ZNF678: variants seen among roughly 807,000 people sequenced by gnomAD.
ZNF678 encodes zinc finger protein 678.
ZNF678 carries 5 observed loss-of-function variants against 3.0 expected under a neutral mutation model. The ratio of observed to expected loss-of-function variants is 1.69; its 90% CI spans 0.88 to 3.56. The LOEUF is 3.56. Among genes scored for constraint, ZNF678 ranks in the 30% most tolerant of loss-of-function variants. ZNF678 has a pLI of 0.00. For synonymous variants in ZNF678, 218 were observed against 199.6 expected, an observed-to-expected ratio of 1.09 and a Z score of -0.78; for missense variants, 593 against 605.0, an observed-to-expected ratio of 0.98 and a Z score of 0.21.
intron 5 of ZNF678, among the ~76,000 whole-genome samples, chr1:227,674,824 C>T (rs1659655163): frequency 6.6e-6 from 1 of 151,986 alleles, no homozygotes; most frequent in Non-Finnish European, 1.5e-5. Flanking sequence ...GCTGGTCCCT[C>T]AGGTGATCCA....
At chr1:227,617,118 A>G (rs1658161245) in intron 1 of ZNF678, among the ~76,000 whole-genome samples, 1 of 152,212 alleles carries the variant, frequency 6.6e-6, no homozygotes, top group Non-Finnish European at 1.5e-5. Flanking sequence ...ATAGAACACT[A>G]CTTTTCTTTT....
At chr1:227,596,861 T>C in intron 1 of ZNF678, among the ~76,000 whole-genome samples, 1 of 152,316 alleles carries the variant, frequency 6.6e-6, no homozygotes. Flanking sequence ...AATAAATAGC[T>C]ATTTTACTTA....
At position 227,655,186 on chromosome 1, in the gene ZNF678, A is replaced by G. The variant is rs745340057; in HGVS notation, c.936A>G (p.Lys312=). Residue 312 remains lysine (K), a synonymous_variant, in exon 4 of 4, where the codon AAA becomes AAG. Coordinates refer to ENST00000343776, the MANE Select transcript of ZNF678 (RefSeq NM_001367909.1). ...AGTTTGCAAGCCTTACTCGTCATAA[A>G]AGAATTCATACTGGAGAAAAACCCT... The part of the protein sequence containing the change: ...FTQFASLTRH[K]RIHTGEKPYQ... 3.1e-6 allele frequency: 5 copies of G among 1,609,480 alleles called. No individual in the cohort carries two copies. In the South Asian group the frequency reaches 5.5e-5, roughly 18 times the overall value.
intron 1 of ZNF678, chr1:227,598,288 G>A: frequency 4.8e-6 from 4 of 833,350 alleles, no homozygotes; most frequent in Non-Finnish European, 6.3e-6. Context: ...GCATCTGAGT[G>A]GCTACTGAAT....
At chr1:227,565,986 C>T (rs1410365813) in intron 1 of ZNF678, among the ~76,000 whole-genome samples, 1 of 152,204 alleles carries the variant, frequency 6.6e-6, no homozygotes, top group Admixed American at 6.5e-5. Flanking sequence ...TGGTCTTGAT[C>T]TCCTGACCTC....
At chr1:227,635,137 T>G (rs1390114736) in intron 1 of ZNF678, among the ~76,000 whole-genome samples, 1 of 152,194 alleles carries the variant, frequency 6.6e-6, no homozygotes, top group African/African-American at 2.4e-5. Flanking sequence ...GTGAAGAGAT[T>G]ATGCTTTTCT....
intron 2 of ZNF678, 140 bp downstream of exon 2, chr1:227,646,810 G>T (rs1658971328): frequency 2.6e-6 from 2 of 755,230 alleles, no homozygotes; most frequent in South Asian, 3.6e-5. Context: ...TTGGGAATTT[G>T]TTGGTGTAGA....
chr1:227,623,219 C>T (rs1208821471), intron 1 of ZNF678, among the ~76,000 whole-genome samples: 1 of 152,208 alleles, frequency 6.6e-6, no homozygotes, highest in East Asian at 1.9e-4. Context: ...TAGTGATGCC[C>T]TTGGCAGGTG....
intron 1 of ZNF678, among the ~76,000 whole-genome samples, chr1:227,633,469 C>A (rs1286035509): frequency 6.6e-6 from 1 of 152,178 alleles, no homozygotes; most frequent in African/African-American, 2.4e-5. Context: ...GAGTTACAAG[C>A]CCCGTGTTTA....
At position 227,655,063 on chromosome 1, in the gene ZNF678, C is replaced by CAACGTTTTT. The variant is rs774440344; in HGVS notation, c.816_824dup (p.Val273_Asn275dup). 4.3e-6 allele frequency: 7 copies of CAACGTTTTT among 1,612,040 alleles called. No individual in the cohort carries two copies. The South Asian group carries it at 7.7e-5, about 18-fold the overall frequency. ...AACCTTACAAGTGTGAAGAATGTGG[C>CAACGTTTTT]AACGTTTTTAATGAGTGCTCACACC... is the stretch of plus-strand genomic sequence containing the variant. On this transcript the variant is annotated inframe_insertion, in exon 4 of 4. Coordinates refer to ENST00000343776, the MANE Select transcript of ZNF678 (RefSeq NM_001367909.1).
At chr1:227,572,025 G>A (rs1656858035) in intron 1 of ZNF678, among the ~76,000 whole-genome samples, 1 of 152,116 alleles carries the variant, frequency 6.6e-6, no homozygotes, top group Non-Finnish European at 1.5e-5. Context: ...GTGGGCAACA[G>A]AGCGAGACTC....
rs1332237635 is a variant in ZNF678 at position 227,657,048 on chromosome 1, C to G, written c.*1220C>G. On this transcript the variant is annotated 3_prime_UTR_variant, in exon 4 of 4. Coordinates refer to ENST00000343776, the MANE Select transcript of ZNF678 (RefSeq NM_001367909.1). The stretch of plus-strand genomic sequence containing the variant: ...ATGCTTTGGTTTTTTTGTGCCTTAC[C>G]TCATGTTGAAATGTGTTCCCCCATG... 6.6e-6 allele frequency: 1 copy of G among 151,606 alleles called. No homozygotes were observed. Among genetic ancestry groups the G allele is most frequent in the African/African-American group, 2.4e-5 (1 of 41,318 alleles). The allele number at this position is 151,606 out of a possible 1,614,324, so 9.4% of individuals were successfully genotyped here.
chr1:227,571,891 A>G (rs1314140874), intron 1 of ZNF678, among the ~76,000 whole-genome samples: 1 of 152,128 alleles, frequency 6.6e-6, no homozygotes, highest in Non-Finnish European at 1.5e-5. Context: ...AAATACAAAA[A>G]ATTAGCTGGA....
chr1:227,642,049 A>C (rs187152546), intron 1 of ZNF678, among the ~76,000 whole-genome samples: 38 of 152,324 alleles, frequency 2.5e-4, no homozygotes, highest in African/African-American at 8.9e-4. Context: ...AGGCTTCATG[A>C]GGGCTATCTC....
chr1:227,677,637 A>G (rs1236788762), downstream of ZNF678, among the ~76,000 whole-genome samples: 2 of 152,216 alleles, frequency 1.3e-5, no homozygotes, highest in East Asian at 1.9e-4. Flanking sequence ...ACCTCAGAAT[A>G]TAAGATTTGA....
chr1:227,615,523 T>G (rs1036037080), intron 1 of ZNF678, among the ~76,000 whole-genome samples: 2 of 152,164 alleles, frequency 1.3e-5, no homozygotes, highest in Non-Finnish European at 1.5e-5. Context: ...GTCCTCCTGG[T>G]CCTCCTGTCC....
chr1:227,604,339 C>G (rs1316581682), intron 1 of ZNF678, among the ~76,000 whole-genome samples: 1 of 152,192 alleles, frequency 6.6e-6, no homozygotes, highest in African/African-American at 2.4e-5. Context: ...CCAATGCTTA[C>G]TTTTGTTTGT....
rs371576310 is a variant in ZNF678 at position 227,572,918 on chromosome 1, C to T, written c.-164+9194C>T. On this transcript the variant is annotated intron_variant, in intron 1 of 3. Transcript: ENST00000343776. ...TGCTGGCTTCTAGAGCACTGCCTGG[C>T]GGTCCTTATCTGTGGGCCCCAGCCA... 4.3e-4 allele frequency among the ~76,000 whole-genome samples: 66 copies of T among 152,332 alleles called. No individual in the cohort carries two copies. The East Asian group carries it at 0.011, about 25-fold the overall frequency.
chr1:227,637,256 G>A (rs1049450196), intron 1 of ZNF678, among the ~76,000 whole-genome samples: 34 of 152,222 alleles, frequency 2.2e-4, no homozygotes, highest in African/African-American at 7.7e-4. Context: ...GTGTTTAGAC[G>A]GGAGCTGGTT....
Sources: allele counts gnomAD v4.1 joint callset (sites outside exome capture counted in the v4.1 genomes callset), GRCh38; gene constraint gnomAD v4.1.1; transcripts MANE v1.5; gene names NCBI Gene and HGNC (gene_info 2026-07-23, HGNC 2026-07-21).